The following NEURL1 variants were observed in gnomAD, a reference collection of about 807,000 sequenced individuals.
NEURL1 encodes the protein E3 ubiquitin-protein ligase NEURL1.
NEURL1 carries 26 observed loss-of-function variants against 41.2 expected under a neutral mutation model. That is an observed-to-expected ratio of 0.63 (90% CI 0.46 to 0.87). The LOEUF is 0.87. Among genes scored for constraint, NEURL1 ranks in the 40% least tolerant of loss-of-function variants. The pLI, the probability that NEURL1 is intolerant of heterozygous loss-of-function variation, is 0.00. For synonymous variants in NEURL1, 400 were observed against 402.3 expected, an observed-to-expected ratio of 0.99 and a Z score of 0.07; for missense variants, 761 against 871.1, an observed-to-expected ratio of 0.87 and a Z score of 1.59.
chr10:103,539,474 GT>G lies in NEURL1; in HGVS notation c.86-31397del, dbSNP rs2034771132. 2.0e-5 allele frequency among the ~76,000 whole-genome samples: 3 copies of G among 152,052 alleles called. No homozygotes were observed. The South Asian group carries it at 6.3e-4, about 32-fold the overall frequency. On this transcript the variant is annotated intron_variant, in intron 1 of 5. Transcript: ENST00000369780. The stretch of plus-strand genomic sequence containing the variant: ...AAAAGAGACTTTTCATACTTTTTAT[GT>G]CCTATTTAAATAAATCACACAGTTT...
chr10:103,564,099 G>T (rs1336262626), intron 1 of NEURL1, among the ~76,000 whole-genome samples: 1 of 152,206 alleles, frequency 6.6e-6, no homozygotes, highest in African/African-American at 2.4e-5. Context: ...GGGGGCCATG[G>T]GGAGGTCACT....
intron 1 of NEURL1, among the ~76,000 whole-genome samples, chr10:103,516,475 G>A (rs1035021731): frequency 6.6e-6 from 1 of 151,720 alleles, no homozygotes; most frequent in Non-Finnish European, 1.5e-5. Context: ...TGGGGGAGAC[G>A]CTGGGTTGGC....
Position 103,501,778 on chromosome 10 carries a change from G to A in NEURL1, c.85+7306G>A, listed in dbSNP as rs550022864. ...CTCCTGAGTAGCTGGGACTACAGGC[G>A]CCTGCCACCAAAGTCCAGCTAATTT... On this transcript the variant is annotated intron_variant, in intron 1 of 5. Coordinates refer to ENST00000369780, the MANE Select transcript of NEURL1 (RefSeq NM_004210.5). Among the ~76,000 whole-genome samples the A allele has an allele frequency of 2.2e-4, 34 of 151,946 alleles. No individual in the cohort carries two copies. In the East Asian group the frequency reaches 4.8e-3, roughly 22 times the overall value.
Position 103,494,154 on chromosome 10 carries a change from G to A in NEURL1, c.-234G>A, listed in dbSNP as rs2033621483. 6 of 459,456 alleles carry A rather than the reference G, an allele frequency of 1.3e-5. No homozygotes were observed. The highest frequency in any genetic ancestry group is 6.2e-5 in the South Asian group (2 of 32,008). The allele number at this position is 459,456 out of a possible 1,614,324, so 28.5% of individuals were successfully genotyped here. A position where few individuals can be genotyped will look rare whatever the true frequency, so the allele number is the denominator to read the frequency against. ...GGCCCCCGCTCCCGCCACGGGGCATGGGAGGCAGGTAGCCCAGCCTGCGCC... is the reference window on the plus strand; with the variant it reads ...GGCCCCCGCTCCCGCCACGGGGCATAGGAGGCAGGTAGCCCAGCCTGCGCC... On this transcript the variant is annotated 5_prime_UTR_variant, in exon 1 of 6. It removes an upstream start codon present in the reference 5' UTR. Transcript: ENST00000369780.
chr10:103,529,270 G>T (rs2133858499), intron 1 of NEURL1, among the ~76,000 whole-genome samples: 1 of 152,270 alleles, frequency 6.6e-6, no homozygotes, highest in African/African-American at 2.4e-5. Flanking sequence ...ATGGATCTTT[G>T]TTCGATAAGG....
Position 103,558,160 on chromosome 10 carries a change from G to A in NEURL1, c.86-12712G>A, listed in dbSNP as rs2035199267. ...CCCAAAGTGCTGGGTTTACAGGTGT[G>A]AGCCACCGCGCTTGGCTGATTGTAT... On this transcript the variant is annotated intron_variant, in intron 1 of 5. Transcript: ENST00000369780. This position sits in a 1 kb window ranked among gnomAD's most constrained non-coding sequence, Gnocchi z 4.2. 9 of 985,230 alleles carry A rather than the reference G, an allele frequency of 9.1e-6. No individual in the cohort carries two copies. Among genetic ancestry groups the A allele is most frequent in the Non-Finnish European group, 1.1e-5 (9 of 829,754 alleles). The allele number at this position is 985,230 out of a possible 1,614,324, so 61.0% of individuals were successfully genotyped here. A position where few individuals can be genotyped will look rare whatever the true frequency, so the allele number is the denominator to read the frequency against.
Position 103,592,048 on chromosome 10 carries a change from TTTTG to T in NEURL1, c.*1680_*1683del, listed in dbSNP as rs1432012078. On this transcript the variant is annotated 3_prime_UTR_variant, in exon 6 of 6. Transcript: ENST00000369780. The surrounding 1 kb of genome is among the most constrained non-coding windows in gnomAD (Gnocchi z 4.8). ...TCTGCCCCCTCAGATGGCTTTTTGT[TTTTG>T]TTTTTTTTTGCATCCATCAGAGACT... 1 of 152,422 alleles carries T rather than the reference TTTTG, an allele frequency of 6.6e-6. No individual in the cohort carries two copies. Among genetic ancestry groups the T allele is most frequent in the African/African-American group, 2.4e-5 (1 of 41,432 alleles). The allele number at this position is 152,422 out of a possible 1,614,324, so 9.4% of individuals were successfully genotyped here. A position where few individuals can be genotyped will look rare whatever the true frequency, so the allele number is the denominator to read the frequency against.
At chr10:103,532,920 C>CTTTTTTTTT (rs144783148) in intron 1 of NEURL1, among the ~76,000 whole-genome samples, 9 of 63,634 alleles carry the variant, frequency 1.4e-4, no homozygotes, top group Non-Finnish European at 1.8e-4. Flanking sequence ...TTCTCTTCTC[C>CTTTTTTTTT]TTTTTTTTTT....
intron 4 of NEURL1, among the ~76,000 whole-genome samples, chr10:103,586,149 T>C (rs888166370): frequency 2.0e-4 from 31 of 152,102 alleles, no homozygotes; most frequent in African/African-American, 7.2e-4. Flanking sequence ...AGATTCTTTA[T>C]TGGAAGACTT....
chr10:103,559,357 C>T lies in NEURL1; in HGVS notation c.86-11515C>T, dbSNP rs770338425. On this transcript the variant is annotated intron_variant, in intron 1 of 5. Transcript: ENST00000369780. Reference sequence around the variant, plus strand: ...TCTGCATTCCCTTACCTCAGCCTGGCGCCTGGCACACAGTGGCTCCCAGCA... The same window carrying T: ...TCTGCATTCCCTTACCTCAGCCTGGTGCCTGGCACACAGTGGCTCCCAGCA... Among the ~76,000 whole-genome samples the T allele has an allele frequency of 5.9e-5, 9 of 152,128 alleles. No homozygotes were observed. The South Asian group carries it at 6.2e-4, about 11-fold the overall frequency.
intron 1 of NEURL1, among the ~76,000 whole-genome samples, chr10:103,505,728 G>A (rs1221568573): frequency 6.6e-6 from 1 of 151,496 alleles, no homozygotes; most frequent in Non-Finnish European, 1.5e-5. Flanking sequence ...GTTGAGCTGG[G>A]TATGGAGGCC....
At chr10:103,570,191 A>G (rs2035509126) in intron 1 of NEURL1, among the ~76,000 whole-genome samples, 1 of 152,162 alleles carries the variant, frequency 6.6e-6, no homozygotes, top group African/African-American at 2.4e-5. Flanking sequence ...CCCCACGATG[A>G]CAGGATGGGC....
At chr10:103,563,878 C>G (rs2035361100) in intron 1 of NEURL1, among the ~76,000 whole-genome samples, 1 of 152,184 alleles carries the variant, frequency 6.6e-6, no homozygotes, top group South Asian at 2.1e-4. Flanking sequence ...ATGTGTAAAC[C>G]TAACTTCAGA....
Position 103,494,376 on chromosome 10 carries a change from G to A in NEURL1, c.-12G>A, listed in dbSNP as rs756815496. On this transcript the variant is annotated 5_prime_UTR_variant, in exon 1 of 6. Transcript: ENST00000369780. ...CCACCCGCGAGCGCCGAACCTCCTG[G>A]GGCCGGATGCCATGGGTAACAACTT... 1.5e-5 allele frequency: 24 copies of A among 1,576,236 alleles called. No individual in the cohort carries two copies. In the South Asian group the frequency reaches 2.2e-4, roughly 14 times the overall value.
chr10:103,527,397 C>T (rs1347192302), intron 1 of NEURL1, among the ~76,000 whole-genome samples: 9 of 150,970 alleles, frequency 6.0e-5, no homozygotes, highest in African/African-American at 2.0e-4. Context: ...CAGGTTCAAG[C>T]GATTCTCCTG....
In NEURL1 at chr10:103,500,197, C is replaced by T. The variant is rs1279394101; in HGVS notation, c.85+5725C>T. ...TTTCAGTTCGGTTTTACCTTTGAAC[C>T]CTGTTATGTTAATTATCATAATAAT... is the stretch of plus-strand genomic sequence containing the variant. On this transcript the variant is annotated intron_variant, in intron 1 of 5. Transcript: ENST00000369780. 2.6e-5 allele frequency among the ~76,000 whole-genome samples: 4 copies of T among 152,164 alleles called. No individual in the cohort carries two copies. The South Asian group carries it at 8.3e-4, about 32-fold the overall frequency.
chr10:103,574,626 A>G (rs991477774), intron 3 of NEURL1, among the ~76,000 whole-genome samples: 1 of 152,208 alleles, frequency 6.6e-6, no homozygotes, highest in Admixed American at 6.5e-5. Context: ...GGCTGGGCCT[A>G]CAAGTTCCAG....
intron 3 of NEURL1, among the ~76,000 whole-genome samples, chr10:103,578,361 T>C (rs1421282982): frequency 6.6e-6 from 1 of 152,184 alleles, no homozygotes; most frequent in Non-Finnish European, 1.5e-5. Flanking sequence ...TGAACCCAGG[T>C]CTCTGTATCG....
rs889430486 is a variant in NEURL1, at chr10:103,558,221, G to A, written c.86-12651G>A. ...GCCTTGGACTTTCGGCTTGATTCGGGCCAAACATTTTGGATTGCTGCGTTA... is the reference window on the plus strand; with the variant it reads ...GCCTTGGACTTTCGGCTTGATTCGGACCAAACATTTTGGATTGCTGCGTTA... On this transcript the variant is annotated intron_variant, in intron 1 of 5. Transcript: ENST00000369780. The surrounding 1 kb of genome is among the most constrained non-coding windows in gnomAD (Gnocchi z 4.2). 1 of 985,372 alleles carries A rather than the reference G, an allele frequency of 1.0e-6. No homozygotes were observed. The highest frequency in any genetic ancestry group is 1.7e-5 in the African/African-American group (1 of 57,310). 61.0% of individuals were successfully genotyped at this position (985,372 alleles called of 1,614,324 possible).
Sources: allele counts gnomAD v4.1 joint callset (sites outside exome capture counted in the v4.1 genomes callset), GRCh38; gene constraint gnomAD v4.1.1; non-coding constraint Gnocchi (gnomAD v3.1); transcripts MANE v1.5; gene names NCBI Gene and HGNC (gene_info 2026-07-23, HGNC 2026-07-21).